Variants in DDX10 observed in about 807,000 individuals in gnomAD.
DDX10 encodes the protein probable ATP-dependent RNA helicase DDX10.
A neutral mutation model predicts 104.3 loss-of-function variants in DDX10; 74 were observed. The ratio of observed to expected loss-of-function variants is 0.71; its 90% CI spans 0.59 to 0.86. The LOEUF is 0.86. DDX10 is among the 40% of genes least tolerant of loss of function. DDX10 has a pLI of 0.00. For synonymous variants in DDX10, 351 were observed against 353.4 expected (o/e 0.99, Z 0.08); for missense variants, 952 against 1,040.0 (o/e 0.92, Z 1.16).
chr11:108,839,283 C>T (rs185189971), intron 14 of DDX10, among the ~76,000 whole-genome samples: 1 of 152,224 alleles, frequency 6.6e-6, no homozygotes, highest in African/African-American at 2.4e-5. Flanking sequence ...TCCTGACTAT[C>T]CTCATATTAG....
rs2094300836 is a variant in DDX10, at chr11:108,723,222, T to C, written c.1725T>C (p.Asn575=). 1 of 1,613,492 alleles carries C rather than the reference T, an allele frequency of 6.2e-7. No individual in the cohort carries two copies. Among genetic ancestry groups the C allele is most frequent in the Non-Finnish European group, 8.5e-7 (1 of 1,179,842 alleles). The change falls in exon 13 of 18, where the codon AAT becomes AAC. Residue 575 remains asparagine (N), a synonymous_variant. Transcript: ENST00000322536. ...AAGGGACAGAGCACAGACAGGATAA[T>C]GATACTGGTAATGAAGAACAGGAAG... ...RLEGTEHRQD[N]DTGNEEQEEE...
At chr11:108,872,509 A>G (rs896110762) in intron 16 of DDX10, among the ~76,000 whole-genome samples, 1 of 152,200 alleles carries the variant, frequency 6.6e-6, no homozygotes, top group Non-Finnish European at 1.5e-5. Context: ...AAGTTCCACA[A>G]AATCAGGGAT....
At chr11:108,889,496 C>G (rs926743608) in intron 16 of DDX10, among the ~76,000 whole-genome samples, 1 of 151,964 alleles carries the variant, frequency 6.6e-6, no homozygotes, top group African/African-American at 2.4e-5. Context: ...CATCTGTGTT[C>G]CCACTAATAT....
intron 3 of DDX10, among the ~76,000 whole-genome samples, chr11:108,676,405 CTATAT>C (rs977625174): frequency 3.9e-4 from 59 of 152,194 alleles, no homozygotes; most frequent in African/African-American, 1.4e-3. Flanking sequence ...AATTCAGTTA[CTATAT>C]AACTACAGCA....
At position 108,887,136 on chromosome 11, in the gene DDX10, T is replaced by C. The variant is rs73009472; in HGVS notation, c.2305-30737T>C. ...TACCTACAAATTAGAATATTTTTAA[T>C]AGAGAAAAGGAAAATTGGGGTGTTT... is the stretch of plus-strand genomic sequence containing the variant. On this transcript the variant is annotated intron_variant, in intron 16 of 17. Transcript: ENST00000322536. Among the ~76,000 whole-genome samples the C allele has an allele frequency of 7.5e-3, 1,148 of 152,296 alleles. 8 individuals carry two copies. The highest frequency in any genetic ancestry group is 0.014 in the Non-Finnish European group (926 of 68,016).
chr11:108,845,662 GA>G (rs201858803), intron 15 of DDX10, among the ~76,000 whole-genome samples: 1 of 151,058 alleles, frequency 6.6e-6, no homozygotes, highest in Non-Finnish European at 1.5e-5. Flanking sequence ...TTTTGCATAT[GA>G]AAAAAAAACT....
At chr11:108,792,316 G>A (rs1468274822) in intron 13 of DDX10, among the ~76,000 whole-genome samples, 2 of 152,070 alleles carry the variant, frequency 1.3e-5, no homozygotes, top group African/African-American at 2.4e-5. Context: ...TATGCATTAT[G>A]TTCTTTTAAA....
chr11:108,860,909 C>T (rs1370965064), intron 16 of DDX10: 2 of 151,788 alleles, frequency 1.3e-5, no homozygotes, highest in Admixed American at 6.6e-5. Flanking sequence ...AGAAAAAAAG[C>T]CAGTGGGAAA....
chr11:108,873,661 C>T lies in DDX10; in HGVS notation c.2304+21452C>T, dbSNP rs897613054. On this transcript the variant is annotated intron_variant, in intron 16 of 17. Transcript: ENST00000322536. ...ATCTCAAATTTCTTTCATAAAACCT[C>T]TTCCCAGAGAGGTTAAATGACTGAT... 3.9e-5 allele frequency among the ~76,000 whole-genome samples: 6 copies of T among 152,310 alleles called. No individual in the cohort carries two copies. In the South Asian group the frequency reaches 1.2e-3, roughly 32 times the overall value.
At chr11:108,905,378 T>C (rs906845396) in intron 16 of DDX10, among the ~76,000 whole-genome samples, 23 of 10,888 alleles carry the variant, frequency 2.1e-3, no homozygotes, top group Non-Finnish European at 5.6e-3. Flanking sequence ...TATATGTTTT[T>C]TATAGTACGT....
intron 13 of DDX10, among the ~76,000 whole-genome samples, chr11:108,795,327 T>C (rs1002225672): frequency 3.0e-4 from 45 of 151,628 alleles, no homozygotes; most frequent in African/African-American, 1.1e-3. Context: ...TTTATTATAC[T>C]TTAAGTTCTA....
chr11:108,723,169 A>C lies in DDX10; in HGVS notation c.1672A>C (p.Ile558Leu). ...FRAYFNEKMS[I>L]LQKGGKRLEG... is the part of the protein sequence containing the mutation. ...AGCCTACTTCAATGAGAAAATGTCC[A>C]TCCTTCAAAAAGGTGGAAAAAGACT... Residue 558 changes from isoleucine (I) to leucine (L), a missense_variant, in exon 13 of 18, where the codon ATC (isoleucine) becomes CTC (leucine). Coordinates refer to ENST00000322536, the MANE Select transcript of DDX10 (RefSeq NM_004398.4). 6.2e-7 allele frequency: 1 copy of C among 1,613,896 alleles called. No homozygotes were observed. Among genetic ancestry groups the C allele is most frequent in the Non-Finnish European group, 8.5e-7 (1 of 1,179,890 alleles).
intron 13 of DDX10, among the ~76,000 whole-genome samples, chr11:108,784,742 G>A (rs1181804487): frequency 1.3e-5 from 2 of 151,904 alleles, no homozygotes; most frequent in Admixed American, 1.3e-4. Flanking sequence ...TTGCTTATGG[G>A]GACTTAGCCA....
intron 13 of DDX10, among the ~76,000 whole-genome samples, chr11:108,765,030 T>C (rs1316807323): frequency 6.6e-6 from 1 of 152,248 alleles, no homozygotes; most frequent in Non-Finnish European, 1.5e-5. Context: ...TTAACTAAGA[T>C]ATTAACTTTT....
At chr11:108,865,244 G>C (rs970164479) in intron 16 of DDX10, among the ~76,000 whole-genome samples, 1 of 152,080 alleles carries the variant, frequency 6.6e-6, no homozygotes, top group Non-Finnish European at 1.5e-5. Context: ...TTCTCATCCT[G>C]GTGATAGCAG....
chr11:108,829,378 A>G (rs989033122), intron 13 of DDX10, among the ~76,000 whole-genome samples: 10 of 152,250 alleles, frequency 6.6e-5, no homozygotes, highest in South Asian at 4.1e-4. Flanking sequence ...CCACATGCTT[A>G]TTGGCCATTT....
At chr11:108,925,344 G>A (rs921548207) in intron 17 of DDX10, among the ~76,000 whole-genome samples, 3 of 152,102 alleles carry the variant, frequency 2.0e-5, no homozygotes, top group African/African-American at 4.8e-5. Context: ...CTATCATTTA[G>A]TCAACCATTA....
At chr11:108,897,155 C>T (rs1339683535) in intron 16 of DDX10, among the ~76,000 whole-genome samples, 1 of 152,172 alleles carries the variant, frequency 6.6e-6, no homozygotes, top group Non-Finnish European at 1.5e-5. Context: ...CACAAATTAT[C>T]TCCAAAGAGG....
At chr11:108,782,582 C>T (rs2134540710) in intron 13 of DDX10, among the ~76,000 whole-genome samples, 1 of 152,266 alleles carries the variant, frequency 6.6e-6, no homozygotes, top group Non-Finnish European at 1.5e-5. Context: ...TAGCAATTAG[C>T]TTGGCATATC....
Sources: allele counts gnomAD v4.1 joint callset (sites outside exome capture counted in the v4.1 genomes callset), GRCh38; gene constraint gnomAD v4.1.1; transcripts MANE v1.5; gene names NCBI Gene and HGNC (gene_info 2026-07-23, HGNC 2026-07-21).